Variants in PVALEF observed in about 807,000 individuals in gnomAD.
PVALEF encodes parvalbumin-like EF-hand-containing protein.
In PVALEF, 2 loss-of-function variants were observed where a neutral mutation model predicts 1.2. That is an observed-to-expected ratio of 1.68 (90% confidence interval 0.69 to 5.28). PVALEF has a LOEUF of 5.28. Ranked by LOEUF, PVALEF falls within the 30% of genes most tolerant of loss-of-function variation. PVALEF has a pLI of 0.06. For missense variants in PVALEF, 35 were observed against 17.7 expected (o/e 1.97, Z -1.75); for synonymous variants, 16 against 6.5 (o/e 2.47, Z -2.24).
At chr17:81,181,443 C>T (rs544420636) in intron 4 of PVALEF, 111 bp downstream of exon 4, 24 of 517,872 alleles carry the variant, frequency 4.6e-5, no homozygotes, top group South Asian at 4.2e-4. Context: ...GGACCTGCGG[C>T]GGGCGGGGAC....
chr17:81,165,865 C>CGTGGGGCCCAGGGGCATCACGTCCGCA, intron 1 of PVALEF, 118 bp downstream of exon 1: 3 of 1,535,100 alleles, frequency 2.0e-6, no homozygotes, highest in Non-Finnish European at 8.8e-7. Flanking sequence ...AACCGGGAGC[C>CGTGGGGCCCAGGGGCATCACGTCCGCA]GTGGGGCCCA....
In PVALEF at chr17:81,181,411, G is replaced by A. The variant is rs1314582579; in HGVS notation, c.106+79G>A. 4 of 582,778 alleles carry A rather than the reference G, an allele frequency of 6.9e-6. No homozygotes were observed. The East Asian group carries it at 8.7e-5, about 13-fold the overall frequency. 36.1% of individuals were successfully genotyped at this position (582,778 alleles called of 1,614,324 possible). ...TCAGGAGACCTCATCCCTTTTCTGG[G>A]GCTGATGGGTCCAGGACACCAGGAC... On this transcript the variant is annotated intron_variant, in intron 4 of 6. Transcript: ENST00000637878.
chr17:81,166,700 C>T lies in PVALEF; in HGVS notation c.-484C>T, dbSNP rs1457729398. 8.8e-6 allele frequency: 4 copies of T among 454,862 alleles called. No homozygotes were observed. The highest frequency in any genetic ancestry group is 3.1e-5 in the South Asian group (2 of 64,474). 28.2% of individuals were successfully genotyped at this position (454,862 alleles called of 1,614,324 possible). A position where few individuals can be genotyped will look rare whatever the true frequency, so the allele number is the denominator to read the frequency against. On this transcript the variant is annotated 5_prime_UTR_variant, in exon 2 of 7. Coordinates refer to ENST00000637878, the MANE Select transcript of PVALEF (RefSeq NM_001354639.2). ...AGGTTTCGAGGCGGCTGGCAGCCGC[C>T]CCCCCACCCCATGCCCTTTGGGTGG...
intron 2 of PVALEF, among the ~76,000 whole-genome samples, chr17:81,173,700 C>A (rs755488238): frequency 7.2e-5 from 11 of 152,184 alleles, no homozygotes; most frequent in Non-Finnish European, 1.5e-4. Flanking sequence ...GGCCCAGGAC[C>A]TGATAGTTTC....
At chr17:81,177,375 C>CA (rs2061539214) in intron 2 of PVALEF, among the ~76,000 whole-genome samples, 1 of 151,226 alleles carries the variant, frequency 6.6e-6, no homozygotes, top group African/African-American at 2.4e-5. Flanking sequence ...TGGTGAAACT[C>CA]AGTCTCTACT....
chr17:81,167,579 G>A (rs1415115454), intron 2 of PVALEF, among the ~76,000 whole-genome samples: 1 of 152,192 alleles, frequency 6.6e-6, no homozygotes, highest in Non-Finnish European at 1.5e-5. Context: ...TGGGCACCAG[G>A]ACCCACCCTT....
At chr17:81,170,031 GGT>G (rs1463913288) in intron 2 of PVALEF, among the ~76,000 whole-genome samples, 9 of 149,204 alleles carry the variant, frequency 6.0e-5, no homozygotes, top group East Asian at 3.9e-4. Context: ...CATATGTGTA[GGT>G]GTGTTGGCAT....
chr17:81,165,721 G>T lies in PVALEF; in HGVS notation c.-534G>T. ...CAGCCACGGAGTCACGACCACGCGG[G>T]GGACGCCAGCCCACAGGCGGAGGCC... is the stretch of plus-strand genomic sequence containing the variant. On this transcript the variant is annotated 5_prime_UTR_variant, in exon 1 of 7. Transcript: ENST00000637878. 6.6e-7 allele frequency: 1 copy of T among 1,523,010 alleles called. No homozygotes were observed. Among genetic ancestry groups the T allele is most frequent in the Non-Finnish European group, 8.8e-7 (1 of 1,137,696 alleles). The allele number at this position is 1,523,010 out of a possible 1,614,324, so 94.3% of individuals were successfully genotyped here.
In PVALEF at chr17:81,182,083, T is replaced by C. The variant is rs920099209; in HGVS notation, c.358+2T>C. ...GGGACGGGAGGATCAACTACGAAGG[T>C]GGGGGCAGCACAGCCGGGGCACCCT... On this transcript the variant is annotated splice_donor_variant, in intron 6 of 6. Coordinates refer to ENST00000637878, the MANE Select transcript of PVALEF (RefSeq NM_001354639.2). LOFTEE classifies it high-confidence loss of function. 1 of 398,410 alleles carries C rather than the reference T, an allele frequency of 2.5e-6. No individual in the cohort carries two copies. The highest frequency in any genetic ancestry group is 4.4e-6 in the Non-Finnish European group (1 of 226,040). The allele number at this position is 398,410 out of a possible 1,614,324, so 24.7% of individuals were successfully genotyped here.
intron 3 of PVALEF, among the ~76,000 whole-genome samples, chr17:81,180,121 A>T (rs1387569376): frequency 6.6e-6 from 1 of 152,042 alleles, no homozygotes; most frequent in Non-Finnish European, 1.5e-5. Context: ...TCCAGCCCGG[A>T]TCTCGGGCTC....
rs2061542880 is a variant in PVALEF at position 81,178,530 on chromosome 17, G to A, written c.-339-388G>A. Among the ~76,000 whole-genome samples, 3 of 152,246 alleles carry A rather than the reference G, an allele frequency of 2.0e-5. No individual in the cohort carries two copies. The South Asian group carries it at 6.2e-4, about 32-fold the overall frequency. On this transcript the variant is annotated intron_variant, in intron 2 of 6. Coordinates refer to ENST00000637878, the MANE Select transcript of PVALEF (RefSeq NM_001354639.2). ...GATAAACTTTGTCCCATATGAACTT[G>A]GAGCCTCCCCACCCCCACCGGCCTG...
At chr17:81,175,312 AT>A (rs1251066225) in intron 2 of PVALEF, among the ~76,000 whole-genome samples, 5 of 152,216 alleles carry the variant, frequency 3.3e-5, no homozygotes, top group Admixed American at 3.3e-4. Context: ...AATAAATAGA[AT>A]CCTATGTTCA....
At chr17:81,165,911 G>C (rs747315725) in intron 1 of PVALEF, 164 bp downstream of exon 1, 17 of 1,566,342 alleles carry the variant, frequency 1.1e-5, no homozygotes, top group Non-Finnish European at 1.5e-5. Flanking sequence ...AGGCAGCGGC[G>C]CGCAGGCCGG....
In PVALEF at chr17:81,181,217, C is replaced by G. The variant is rs7209980; in HGVS notation, c.-10C>G. ...CCCACGAATTGACTCCCTATCCACC[C>G]AGGACCAGGATGGAGGAGGACTTCT... On this transcript the variant is annotated 5_prime_UTR_variant, in exon 4 of 7. Transcript: ENST00000637878. The G allele has an allele frequency of 0.077, 53,953 of 702,666 alleles. 3,001 individuals are homozygous for G. Among genetic ancestry groups the G allele is most frequent in the East Asian group, 0.19 (7,158 of 37,222 alleles). The allele number at this position is 702,666 out of a possible 1,614,324, so 43.5% of individuals were successfully genotyped here. A position where few individuals can be genotyped will look rare whatever the true frequency, so the allele number is the denominator to read the frequency against.
At position 81,170,367 on chromosome 17, in the gene PVALEF, G is replaced by A. The variant is rs182318260; in HGVS notation, c.-340+3523G>A. 2.7e-3 allele frequency among the ~76,000 whole-genome samples: 416 copies of A among 151,770 alleles called. 3 individuals are homozygous for A. The highest frequency in any genetic ancestry group is 6.8e-3 in the Middle Eastern group (2 of 294). On this transcript the variant is annotated intron_variant, in intron 2 of 6. Coordinates refer to ENST00000637878, the MANE Select transcript of PVALEF (RefSeq NM_001354639.2). ...TGTGTAGGTGCGTGTGTGTCTGTGC[G>A]TGTGTGTGTGTCCGTCCTCTCCTCT...
intron 2 of PVALEF, among the ~76,000 whole-genome samples, chr17:81,169,127 GA>G (rs1210468795): frequency 1.3e-5 from 2 of 152,332 alleles, no homozygotes; most frequent in East Asian, 3.9e-4. Flanking sequence ...AGAGCCGGGA[GA>G]GGGGCAAGTG....
intron 3 of PVALEF, 24 bp from the exon 4 acceptor site, chr17:81,181,099 C>A: frequency 1.6e-6 from 1 of 635,624 alleles, no homozygotes; most frequent in Admixed American, 2.3e-5. Context: ...CACTGTGACG[C>A]CTGTCACCAT....
At chr17:81,178,682 G>C (rs192052624) in intron 2 of PVALEF, among the ~76,000 whole-genome samples, 1,681 of 152,242 alleles carry the variant, frequency 0.011, 14 homozygotes, top group Non-Finnish European at 0.017. Context: ...CCAGAGCTGG[G>C]GGGGGCAGGG....
chr17:81,165,869 G>A, intron 1 of PVALEF, 122 bp downstream of exon 1: 1 of 1,536,446 alleles, frequency 6.5e-7, no homozygotes, highest in South Asian at 1.2e-5. Flanking sequence ...GGGAGCCGTG[G>A]GGCCCAGGGG....
Sources: gnomAD v4.1 joint callset for allele counts (sites outside exome capture counted in the v4.1 genomes callset) on GRCh38, gnomAD v4.1.1 for gene constraint, MANE v1.5 for transcripts, NCBI Gene and HGNC (gene_info 2026-07-23, HGNC 2026-07-21) for gene names.